The following ADAMTS2 variants were observed in gnomAD, a reference collection of about 807,000 sequenced individuals.
ADAMTS2 encodes the protein ADAM metallopeptidase with thrombospondin type 1 motif 2, also known as A disintegrin and metalloproteinase with thrombospondin motifs 2.
Under a neutral mutation model 123.0 loss-of-function variants are expected in ADAMTS2, and 50 were observed. The ratio of observed to expected loss-of-function variants is 0.41; its 90% CI spans 0.32 to 0.51. The LOEUF is 0.51. Among genes scored for constraint, ADAMTS2 ranks in the 20% least tolerant of loss-of-function variants. The pLI is 0.35. For missense variants in ADAMTS2, 1,494 were observed against 1,705.2 expected (o/e 0.88, Z 2.18); for synonymous variants, 678 against 695.4 (o/e 0.98, Z 0.39).
At chr5:179,166,247 C>T (rs939821075) in intron 5 of ADAMTS2, among the ~76,000 whole-genome samples, 12 of 152,188 alleles carry the variant, frequency 7.9e-5, no homozygotes, top group South Asian at 2.1e-4. Flanking sequence ...ACAGCAGCAC[C>T]GGGAGCCTGG....
intron 4 of ADAMTS2, among the ~76,000 whole-genome samples, chr5:179,192,363 C>T (rs1227710985): frequency 6.6e-6 from 1 of 152,234 alleles, no homozygotes; most frequent in African/African-American, 2.4e-5. Context: ...CTTTCCAACA[C>T]CCAGAGCAGA....
intron 2 of ADAMTS2, among the ~76,000 whole-genome samples, chr5:179,306,992 C>T (rs1756692100): frequency 6.6e-6 from 1 of 152,162 alleles, no homozygotes; most frequent in Non-Finnish European, 1.5e-5. Flanking sequence ...CCACCAGGGC[C>T]AGTCCCACAT....
Position 179,122,690 on chromosome 5 carries a change from C to T in ADAMTS2, c.3042G>A (p.Glu1014=). The part of the protein sequence containing the change: ...TADDSFGICQ[E]ERPETARTCR... ...AGGTCCTCGCTGTCTCAGGACGCTCCTCCTGGCAGATGCCGAAGCTGTCGT... is the reference window on the plus strand; with the variant it reads ...AGGTCCTCGCTGTCTCAGGACGCTCTTCCTGGCAGATGCCGAAGCTGTCGT... Residue 1014 remains glutamate, a synonymous_variant, in exon 20 of 22, where the codon GAG becomes GAA. Coordinates refer to ENST00000251582, the MANE Select transcript of ADAMTS2 (RefSeq NM_014244.5). The T allele has an allele frequency of 6.4e-7, 1 of 1,551,612 alleles. No individual in the cohort carries two copies. The highest frequency in any genetic ancestry group is 2.0e-5 in the Admixed American group (1 of 51,092).
chr5:179,122,191 C>G (rs535164943), intron 20 of ADAMTS2, among the ~76,000 whole-genome samples: 19 of 152,334 alleles, frequency 1.2e-4, no homozygotes, highest in Admixed American at 9.1e-4. Flanking sequence ...TAGAAGGGAA[C>G]TGTGGCAGGC....
At position 179,258,336 on chromosome 5, in the gene ADAMTS2, C is replaced by T. The variant is rs147142808; in HGVS notation, c.688+14575G>A. Reference sequence around the variant, plus strand: ...AACTTGACCCCTGAGCTCCTCCCCGCAGCCCACCAGGTGCTCCTGCTGTGG... The same window carrying T: ...AACTTGACCCCTGAGCTCCTCCCCGTAGCCCACCAGGTGCTCCTGCTGTGG... On this transcript the variant is annotated intron_variant, in intron 3 of 21. Coordinates refer to ENST00000251582, the MANE Select transcript of ADAMTS2 (RefSeq NM_014244.5). Among the ~76,000 whole-genome samples the T allele has an allele frequency of 4.0e-3, 616 of 152,248 alleles. 7 individuals are homozygous for T. The highest frequency in any genetic ancestry group is 0.014 in the African/African-American group (593 of 41,508).
In ADAMTS2 at chr5:179,260,792, G is replaced by A. The variant is rs1175248724; in HGVS notation, c.688+12119C>T. Among the ~76,000 whole-genome samples the A allele has an allele frequency of 1.3e-5, 2 of 152,220 alleles. No individual in the cohort carries two copies. The highest frequency in any genetic ancestry group is 6.5e-5 in the Admixed American group (1 of 15,290). ...ATGTACCTGCAGCGTGCTGGCAGAC[G>A]CGGTCAACGGTAAGTGCTCCAGGAA... On this transcript the variant is annotated intron_variant, in intron 3 of 21. Coordinates refer to ENST00000251582, the MANE Select transcript of ADAMTS2 (RefSeq NM_014244.5). This position sits in a 1 kb window ranked among gnomAD's most constrained non-coding sequence, Gnocchi z 4.2.
chr5:179,296,104 G>A (rs111945621), intron 2 of ADAMTS2, among the ~76,000 whole-genome samples: 2,569 of 152,330 alleles, frequency 0.017, 33 homozygotes, highest in Non-Finnish European at 0.027. Flanking sequence ...ATGCAGTGAT[G>A]GTGAAGCAGG....
rs994285687 is a variant in ADAMTS2 at position 179,307,995 on chromosome 5, C to T, written c.535-34931G>A. On this transcript the variant is annotated intron_variant, in intron 2 of 21. Transcript: ENST00000251582. This position sits in a 1 kb window ranked among gnomAD's most constrained non-coding sequence, Gnocchi z 5.6. ...CTGGGTCCACGTCACCAGACCAGTG[C>T]CTGGCATCTCACAGGCATGGAGTTG... is the stretch of plus-strand genomic sequence containing the variant. Among the ~76,000 whole-genome samples, 3 of 152,334 alleles carry T rather than the reference C, an allele frequency of 2.0e-5. No individual in the cohort carries two copies. In the South Asian group the frequency reaches 6.2e-4, roughly 32 times the overall value.
intron 13 of ADAMTS2, among the ~76,000 whole-genome samples, chr5:179,134,871 G>C (rs1218651317): frequency 3.2e-3 from 75 of 23,672 alleles, no homozygotes; most frequent in Non-Finnish European, 3.9e-3. Flanking sequence ...CAGCTCCCGG[G>C]TCCAGCTCCC....
intron 4 of ADAMTS2, among the ~76,000 whole-genome samples, chr5:179,205,784 ATTT>A (rs1472067140): frequency 1.1e-4 from 17 of 150,582 alleles, no homozygotes; most frequent in South Asian, 2.1e-4. Flanking sequence ...TATTATTATT[ATTT>A]TTGAGACGGA....
chr5:179,133,052 C>G (rs1395405242), intron 13 of ADAMTS2, 152 bp from the exon 14 acceptor site: 1 of 1,052,814 alleles, frequency 9.5e-7, no homozygotes, highest in East Asian at 2.6e-5. Flanking sequence ...AACCACCTTG[C>G]CTGGCCTCAT....
chr5:179,299,253 GGC>G, intron 2 of ADAMTS2, among the ~76,000 whole-genome samples: 1 of 150,090 alleles, frequency 6.7e-6, no homozygotes, highest in Non-Finnish European at 1.5e-5. Flanking sequence ...AATTTGTCCA[GGC>G]GCGGTGGCTC....
intron 2 of ADAMTS2, among the ~76,000 whole-genome samples, chr5:179,292,714 G>GAC (rs1756222286): frequency 6.6e-6 from 1 of 152,072 alleles, no homozygotes; most frequent in African/African-American, 2.4e-5. Context: ...TGCCCAAGGT[G>GAC]ACTCTCTCTC....
intron 2 of ADAMTS2, among the ~76,000 whole-genome samples, chr5:179,320,428 C>T (rs1192318092): frequency 6.6e-6 from 1 of 152,196 alleles, no homozygotes; most frequent in Non-Finnish European, 1.5e-5. Flanking sequence ...CTGCCTCAGC[C>T]TCCTGAGTAG....
intron 4 of ADAMTS2, among the ~76,000 whole-genome samples, chr5:179,198,351 C>T (rs759561178): frequency 6.6e-6 from 1 of 152,216 alleles, no homozygotes; most frequent in Non-Finnish European, 1.5e-5. Context: ...CATCTGCCCA[C>T]GGCTCTCACT....
At position 179,126,114 on chromosome 5, in the gene ADAMTS2, C is replaced by A. The variant is rs370686613; in HGVS notation, c.2634G>T (p.Lys878Asn). 6.2e-7 allele frequency: 1 copy of A among 1,613,310 alleles called. No homozygotes were observed. Among genetic ancestry groups the A allele is most frequent in the South Asian group, 1.1e-5 (1 of 91,086 alleles). ...KPCGGGSQFT[K>N]YGCRRRLDHK... is the part of the protein sequence containing the mutation. The stretch of plus-strand genomic sequence containing the variant: ...GGTCCAGCCTCCGGCGGCAGCCATA[C>A]TTGGTGAACTGGGACCCTGAAGGCA... The change falls in exon 18 of 22, where the codon AAG becomes AAT. Residue 878 changes from lysine (K) to asparagine (N), a missense_variant. By Grantham distance (94) the Lys-to-Asn change is moderately conservative. This residue lies in a region of ADAMTS2 where 953 missense variants were observed against 1,124.7 expected (regional missense o/e 0.85). Coordinates refer to ENST00000251582, the MANE Select transcript of ADAMTS2 (RefSeq NM_014244.5).
intron 3 of ADAMTS2, among the ~76,000 whole-genome samples, chr5:179,227,450 G>A (rs1393066881): frequency 6.6e-6 from 1 of 152,182 alleles, no homozygotes; most frequent in Non-Finnish European, 1.5e-5. Flanking sequence ...GCTGTGATCT[G>A]GGGTGGAACT....
Position 179,113,962 on chromosome 5 carries a change from G to A in ADAMTS2, c.3541C>T (p.Pro1181Ser). 1.9e-6 allele frequency: 3 copies of A among 1,614,110 alleles called. No homozygotes were observed. The highest frequency in any genetic ancestry group is 2.5e-6 in the Non-Finnish European group (3 of 1,180,022). ...TTTTCATAGGGGCTCGGTCGTCGAG[G>A]GATTAGGTTGGGTGGCTGGACTTCA... The part of the protein sequence containing the change: ...EDEVQPPNLI[P>S]RRPSPYEKTR... Residue 1181 changes from proline to serine, a missense_variant, in exon 22 of 22, where the codon CCT (proline) becomes TCT (serine). Transcript: ENST00000251582.
intron 21 of ADAMTS2, chr5:179,120,590 C>CG (rs1239837167): frequency 7.0e-6 from 1 of 143,764 alleles, no homozygotes; most frequent in Admixed American, 6.9e-5. Context: ...GGTGGAGGGG[C>CG]GGGGAGGAGT....
Sources: allele counts gnomAD v4.1 joint callset (sites outside exome capture counted in the v4.1 genomes callset), GRCh38; gene constraint gnomAD v4.1.1; regional missense constraint gnomAD v4.1.1; non-coding constraint Gnocchi (gnomAD v3.1); transcripts MANE v1.5; gene names NCBI Gene and HGNC (gene_info 2026-07-23, HGNC 2026-07-21).